PITPNM3: variants seen among roughly 807,000 people sequenced by gnomAD.
PITPNM3 encodes membrane-associated phosphatidylinositol transfer protein 3.
In PITPNM3, 26 loss-of-function variants were observed where a neutral mutation model predicts 102.0. The observed-to-expected ratio is 0.25, with a 90% CI of 0.19 to 0.35. The LOEUF is 0.35. Ranked by LOEUF, PITPNM3 falls within the 10% of genes least tolerant of loss-of-function variation. The pLI is 1.00. For missense variants in PITPNM3, 1,083 were observed against 1,346.1 expected, an observed-to-expected ratio of 0.80 and a Z score of 3.06; for synonymous variants, 578 against 558.6, an observed-to-expected ratio of 1.03 and a Z score of -0.49.
At position 6,519,209 on chromosome 17, in the gene PITPNM3, C is replaced by T. The variant is rs1220998417; in HGVS notation, c.226+6147G>A. Among the ~76,000 whole-genome samples the T allele has an allele frequency of 6.8e-5, 4 of 58,526 alleles. 2 individuals are homozygous for T. The highest frequency in any genetic ancestry group is 1.4e-4 in the Non-Finnish European group (4 of 28,354). 38.4% of individuals were successfully genotyped at this position (58,526 alleles called of 152,430 possible). On this transcript the variant is annotated intron_variant, in intron 3 of 19. Transcript: ENST00000262483. ...AAAATTAGCCGGGCGCGGTGGCGGG[C>T]GCCTGTAGTCCCAGCTACTCGGGAG...
In PITPNM3 at chr17:6,473,465, G is replaced by A. The variant is rs147788007; in HGVS notation, c.1259-638C>T. ...GGCAGCCATGGGGTTCTGCCTCCTC[G>A]CCTCCATTTCTACCACCCACTTTAT... On this transcript the variant is annotated intron_variant, in intron 10 of 19. Transcript: ENST00000262483. Among the ~76,000 whole-genome samples the A allele has an allele frequency of 4.0e-3, 608 of 152,238 alleles. 2 individuals carry two copies. The highest frequency in any genetic ancestry group is 0.013 in the African/African-American group (559 of 41,538).
intron 2 of PITPNM3, among the ~76,000 whole-genome samples, chr17:6,535,478 G>A (rs997658221): frequency 2.0e-5 from 3 of 152,194 alleles, no homozygotes; most frequent in African/African-American, 7.2e-5. Context: ...CCTGTGAGGT[G>A]GATCCTGTGG....
chr17:6,525,613 C>G (rs2150644425), intron 2 of PITPNM3, 150 bp from the exon 3 acceptor site: 1 of 710,952 alleles, frequency 1.4e-6, no homozygotes. Flanking sequence ...TGTAGCTAGA[C>G]AGTTACAAGA....
chr17:6,523,813 T>G (rs1597401626), intron 3 of PITPNM3, among the ~76,000 whole-genome samples: 2 of 152,336 alleles, frequency 1.3e-5, no homozygotes, highest in East Asian at 3.9e-4. Context: ...GAGCCCCCCC[T>G]TCTCGTGGAT....
Position 6,453,005 on chromosome 17 carries a change from T to TTTCTCC in PITPNM3, c.*2332_*2333insGGAGAA, listed in dbSNP as rs1334718992. 5 of 38,820 alleles carry TTTCTCC rather than the reference T, an allele frequency of 1.3e-4. No homozygotes were observed. The highest frequency in any genetic ancestry group is 3.5e-4 in the African/African-American group (5 of 14,234). The allele number at this position is 38,820 out of a possible 1,614,324, so 2.4% of individuals were successfully genotyped here. ...CTCTCTCTCTCTCTGTCTTCCTTTC[T>TTTCTCC]CTCTCTCTCTCTCTCTCTGCCTTCC... is the stretch of plus-strand genomic sequence containing the variant. On this transcript the variant is annotated 3_prime_UTR_variant, in exon 20 of 20. Coordinates refer to ENST00000262483, the MANE Select transcript of PITPNM3 (RefSeq NM_031220.4).
chr17:6,463,404 G>C (rs148769004), intron 17 of PITPNM3, among the ~76,000 whole-genome samples: 1 of 75,834 alleles, frequency 1.3e-5, no homozygotes, highest in Non-Finnish European at 3.1e-5. Context: ...CAGCGGATGC[G>C]TGCACGAGTG....
At position 6,556,310 on chromosome 17, in the gene PITPNM3, GC is replaced by G; in HGVS notation, c.22+74del. 1.5e-6 allele frequency: 2 copies of G among 1,293,026 alleles called. No individual in the cohort carries two copies. The highest frequency in any genetic ancestry group is 2.7e-5 in the Admixed American group (1 of 37,104). 80.1% of individuals were successfully genotyped at this position (1,293,026 alleles called of 1,614,324 possible). ...CCACCTGCGCGAGGGGTTCACCTGG[GC>G]CGGCGGCCCCTCCTCTAGACGCGCG... is the stretch of plus-strand genomic sequence containing the variant. On this transcript the variant is annotated intron_variant, in intron 1 of 19. Transcript: ENST00000262483. The surrounding 1 kb of genome is among the most constrained non-coding windows in gnomAD (Gnocchi z 5.2).
chr17:6,490,814 C>T (rs1906413428), intron 4 of PITPNM3, among the ~76,000 whole-genome samples: 1 of 150,338 alleles, frequency 6.7e-6, no homozygotes, highest in South Asian at 2.1e-4. Flanking sequence ...ATTAGACAGG[C>T]GTGGTGGTGG....
At chr17:6,476,407 T>G (rs1363376664) in intron 9 of PITPNM3, among the ~76,000 whole-genome samples, 1 of 152,250 alleles carries the variant, frequency 6.6e-6, no homozygotes, top group African/African-American at 2.4e-5. Context: ...TAAGCTGAAT[T>G]AATGTGCAGA....
At chr17:6,485,608 A>C (rs1029883102) in intron 4 of PITPNM3, among the ~76,000 whole-genome samples, 3 of 152,238 alleles carry the variant, frequency 2.0e-5, no homozygotes, top group Non-Finnish European at 4.4e-5. Context: ...ACCACTTTCC[A>C]GGGAAGGTAG....
At chr17:6,475,730 G>T (rs1419529346) in intron 9 of PITPNM3, among the ~76,000 whole-genome samples, 1 of 152,192 alleles carries the variant, frequency 6.6e-6, no homozygotes, top group African/African-American at 2.4e-5. Flanking sequence ...TGTCAGACCA[G>T]CTCCTGGAAG....
chr17:6,539,974 C>T (rs1004233284), intron 1 of PITPNM3, among the ~76,000 whole-genome samples: 3 of 152,202 alleles, frequency 2.0e-5, no homozygotes, highest in African/African-American at 7.2e-5. Flanking sequence ...GTTTGAACAG[C>T]AAGAGCCCAG....
intron 14 of PITPNM3, 83 bp from the exon 15 acceptor site, chr17:6,464,854 C>T (rs1473187126): frequency 7.8e-7 from 1 of 1,286,232 alleles, no homozygotes; most frequent in Non-Finnish European, 1.1e-6. Flanking sequence ...CTCAGACTGG[C>T]TGGAGGCATA....
Position 6,457,802 on chromosome 17 carries a change from C to G in PITPNM3, c.2491-80G>C, listed in dbSNP as rs184627792. ...GCCTTCCCAGGCCAACCCCAGGGGG[C>G]CCCTGCTTGGGGACCCTTTATGTGC... On this transcript the variant is annotated intron_variant, in intron 18 of 19. Transcript: ENST00000262483. This position sits in a 1 kb window ranked among gnomAD's most constrained non-coding sequence, Gnocchi z 4.7. The G allele has an allele frequency of 2.2e-5, 33 of 1,531,748 alleles. No individual in the cohort carries two copies. The African/African-American group carries it at 3.3e-4, about 15-fold the overall frequency. 94.9% of individuals were successfully genotyped at this position (1,531,748 alleles called of 1,614,324 possible).
intron 1 of PITPNM3, among the ~76,000 whole-genome samples, chr17:6,539,670 A>G (rs1909632508): frequency 6.6e-6 from 1 of 152,272 alleles, no homozygotes; most frequent in African/African-American, 2.4e-5. Flanking sequence ...AACTACAATC[A>G]CTTAAAATTA....
chr17:6,497,023 G>C (rs924030262), intron 4 of PITPNM3, among the ~76,000 whole-genome samples: 3 of 152,132 alleles, frequency 2.0e-5, no homozygotes, highest in East Asian at 1.9e-4. Flanking sequence ...GCCAAGCAGA[G>C]ACACACACAC....
intron 2 of PITPNM3, among the ~76,000 whole-genome samples, chr17:6,528,996 TTGCTTTTCACCTTCTGATGACTGTCTC>T (rs67783049): frequency 0.075 from 11,396 of 152,244 alleles, 547 homozygotes; most frequent in African/African-American, 0.13. Flanking sequence ...CTGGTTGATT[TTGCTTTTCACCTTCTGATGACTGTCTC>T]CTGCATGCTA....
intron 3 of PITPNM3, among the ~76,000 whole-genome samples, chr17:6,505,202 A>ATATATATATATG (rs1907425195): frequency 2.0e-5 from 3 of 148,206 alleles, no homozygotes; most frequent in Non-Finnish European, 4.5e-5. Context: ...TAAAATATAT[A>ATATATATATATG]TATATATATA....
At chr17:6,507,002 C>G (rs897735843) in intron 3 of PITPNM3, among the ~76,000 whole-genome samples, 11 of 152,228 alleles carry the variant, frequency 7.2e-5, no homozygotes, top group Non-Finnish European at 1.6e-4. Context: ...TATGGCACTG[C>G]CAGCCCAGGG....
Sources: allele counts gnomAD v4.1 joint callset (sites outside exome capture counted in the v4.1 genomes callset), GRCh38; gene constraint gnomAD v4.1.1; non-coding constraint Gnocchi (gnomAD v3.1); transcripts MANE v1.5; gene names NCBI Gene and HGNC (gene_info 2026-07-23, HGNC 2026-07-21).